The following CES4A variants were observed in gnomAD, a reference collection of about 807,000 sequenced individuals.
CES4A encodes carboxylesterase 4A, also known as carboxylesterase 6.
Under a neutral mutation model 65.4 loss-of-function variants are expected in CES4A, and 48 were observed. The observed-to-expected ratio is 0.73, with a 90% CI of 0.58 to 0.93. The LOEUF (loss-of-function observed/expected upper bound fraction) is 0.93, where lower values mean the gene tolerates loss of function less well. Among genes scored for constraint, CES4A ranks in the 40% least tolerant of loss-of-function variants. The pLI, the probability that CES4A is intolerant of heterozygous loss-of-function variation, is 0.00. For missense variants in CES4A, 685 were observed against 728.5 expected (o/e 0.94, Z 0.69); for synonymous variants, 247 against 281.8 (o/e 0.88, Z 1.24).
At chr16:67,006,919 C>A in intron 13 of CES4A, 102 bp downstream of exon 13, 2 of 1,147,492 alleles carry the variant, frequency 1.7e-6, no homozygotes, top group Non-Finnish European at 2.5e-6. Context: ...CCTACAGGAA[C>A]TGCCCAGTCG....
intron 1 of CES4A, among the ~76,000 whole-genome samples, chr16:66,990,444 C>G (rs1267960967): frequency 2.0e-5 from 3 of 152,166 alleles, no homozygotes; most frequent in African/African-American, 7.2e-5. Flanking sequence ...TGTCTATAAT[C>G]CCAGCATTTT....
At chr16:66,995,570 G>A (rs1597061934) in intron 1 of CES4A, 58 bp from the exon 2 acceptor site, 1 of 1,468,504 alleles carries the variant, frequency 6.8e-7, no homozygotes, top group Non-Finnish European at 9.5e-7. Context: ...GCTGAGCCAG[G>A]GTCCCATTTG....
chr16:66,995,975 G>T (rs891287651), intron 2 of CES4A, 146 bp downstream of exon 2: 2 of 742,890 alleles, frequency 2.7e-6, no homozygotes, highest in South Asian at 1.5e-5. Context: ...TTTCAGACCC[G>T]TATCATGAGC....
chr16:67,005,075 A>T, intron 10 of CES4A, 165 bp from the exon 11 acceptor site: 1 of 809,656 alleles, frequency 1.2e-6, no homozygotes, highest in Non-Finnish European at 2.0e-6. Context: ...CAGCAAAATC[A>T]GGGGTTACAA....
chr16:66,994,132 A>G (rs1023882991), intron 1 of CES4A, among the ~76,000 whole-genome samples: 1 of 151,962 alleles, frequency 6.6e-6, no homozygotes, highest in Non-Finnish European at 1.5e-5. Flanking sequence ...CTATATTAAT[A>G]TCAGACAAAC....
chr16:66,999,854 G>A (rs1402118022), intron 2 of CES4A, among the ~76,000 whole-genome samples: 1 of 152,188 alleles, frequency 6.6e-6, no homozygotes, highest in Non-Finnish European at 1.5e-5. Flanking sequence ...GTGACCAGGA[G>A]AGGAGACACC....
intron 5 of CES4A, among the ~76,000 whole-genome samples, chr16:67,002,542 T>A (rs1965440286): frequency 6.6e-6 from 1 of 151,772 alleles, no homozygotes; most frequent in South Asian, 2.1e-4. Flanking sequence ...AGCTGGGGTG[T>A]GGTCATTAGC....
chr16:66,997,451 A>G (rs959334432), intron 2 of CES4A, among the ~76,000 whole-genome samples: 1 of 152,104 alleles, frequency 6.6e-6, no homozygotes, highest in African/African-American at 2.4e-5. Context: ...CAAAGATAGT[A>G]GTTTCTGCCT....
chr16:67,008,957 T>C lies in CES4A; in HGVS notation c.1518-17T>C. On this transcript the variant is annotated splice_polypyrimidine_tract_variant and intron_variant, in intron 13 of 13. Coordinates refer to ENST00000648724, the Ensembl canonical transcript of CES4A. ...AAAAGGAACACAGGTAATCCTCTCT[T>C]TTTTATTTCTGGGCAGAAACCCCAA... is the stretch of plus-strand genomic sequence containing the variant. The C allele has an allele frequency of 6.2e-7, 1 of 1,607,356 alleles. No homozygotes were observed. The highest frequency in any genetic ancestry group is 8.5e-7 in the Non-Finnish European group (1 of 1,177,730).
At chr16:67,007,025 A>T (rs1597101466) in intron 13 of CES4A, 1 of 557,118 alleles carries the variant, frequency 1.8e-6, no homozygotes, top group South Asian at 2.3e-5. Context: ...CATGACCCAC[A>T]CTCTTCATTC....
At position 67,000,654 on chromosome 16, in the gene CES4A, T is replaced by C. The variant is rs1475063600; in HGVS notation, c.277T>C (p.Trp93Arg). ...TGCCCGCAGGTGCCTGCAGGAGTCC[T>C]GGGGCCAGCTGGCCTCGATGTACGT... is the stretch of plus-strand genomic sequence containing the variant. The change falls in exon 3 of 14, where the codon TGG (tryptophan) becomes CGG (arginine). Residue 93 changes from tryptophan (W) to arginine (R), a missense_variant. Coordinates refer to ENST00000648724, the Ensembl canonical transcript of CES4A. This position sits in a 1 kb window ranked among gnomAD's most constrained non-coding sequence, Gnocchi z 4.2. The C allele has an allele frequency of 1.3e-6, 2 of 1,548,814 alleles. No individual in the cohort carries two copies. Among genetic ancestry groups the C allele is most frequent in the Non-Finnish European group, 1.7e-6 (2 of 1,146,368 alleles).
In CES4A at chr16:66,995,820, A is replaced by G. The variant is rs1391671004; in HGVS notation, c.251A>G (p.Tyr84Cys). 5 of 1,613,374 alleles carry G rather than the reference A, an allele frequency of 3.1e-6. No homozygotes were observed. The South Asian group carries it at 5.5e-5, about 18-fold the overall frequency. Residue 84 changes from tyrosine to cysteine, a missense_variant, in exon 2 of 14, where the codon TAC (tyrosine) becomes TGC (cysteine). Coordinates refer to ENST00000648724, the Ensembl canonical transcript of CES4A. Reference sequence around the variant, plus strand: ...AAAGGAATCAGAGATGCTACCACCTACCCGCCTGGGTAAGAGTCAGAGGCC... The same window carrying G: ...AAAGGAATCAGAGATGCTACCACCTGCCCGCCTGGGTAAGAGTCAGAGGCC...
exon 14 of CES4A, chr16:67,009,310 T>G: frequency 1.6e-6 from 1 of 633,786 alleles, no homozygotes; most frequent in South Asian, 2.1e-5. Context: ...GCCTGTTGTG[T>G]GGGACCTGCA....
Position 67,000,194 on chromosome 16 carries a change from A to C in CES4A, c.261-444A>C. On this transcript the variant is annotated intron_variant, in intron 2 of 13. Transcript: ENST00000648724. This position sits in a 1 kb window ranked among gnomAD's most constrained non-coding sequence, Gnocchi z 4.2. Reference sequence around the variant, plus strand: ...CAGAGTGTGGCCGAGGAGTAGGAGGAGTGTGAAGAGGCTGGGGTACTGTCC... The same window carrying C: ...CAGAGTGTGGCCGAGGAGTAGGAGGCGTGTGAAGAGGCTGGGGTACTGTCC... 6.6e-6 allele frequency among the ~76,000 whole-genome samples: 1 copy of C among 152,042 alleles called. No individual in the cohort carries two copies. The highest frequency in any genetic ancestry group is 2.4e-5 in the African/African-American group (1 of 41,452).
intron 10 of CES4A, 41 bp downstream of exon 10, chr16:67,004,914 G>T (rs1597094288): frequency 6.8e-7 from 1 of 1,468,166 alleles, no homozygotes; most frequent in East Asian, 2.5e-5. Flanking sequence ...TTCGGACAGG[G>T]TTGACCCCCC....
At chr16:66,991,313 C>CCA (rs780044473) in intron 1 of CES4A, among the ~76,000 whole-genome samples, 34 of 152,206 alleles carry the variant, frequency 2.2e-4, no homozygotes, top group Non-Finnish European at 3.8e-4. Context: ...GCGTGAGCCA[C>CCA]CACACCAGCT....
rs540838517 is a variant in CES4A, at chr16:67,004,658, C to T, written c.1081-135C>T. On this transcript the variant is annotated intron_variant, in intron 9 of 13. Transcript: ENST00000648724. ...CAGGGGGACAAGAGAGAGTCATGGG[C>T]CCTTCCTGGGCTGTGTGCTGTGTCT... 13 of 692,790 alleles carry T rather than the reference C, an allele frequency of 1.9e-5. No individual in the cohort carries two copies. The East Asian group carries it at 2.2e-4, about 12-fold the overall frequency. The allele number at this position is 692,790 out of a possible 1,614,324, so 42.9% of individuals were successfully genotyped here. A position where few individuals can be genotyped will look rare whatever the true frequency, so the allele number is the denominator to read the frequency against.
At chr16:67,006,704 C>T (rs768863454) in intron 12 of CES4A, 41 bp from the exon 13 acceptor site, 7 of 1,595,846 alleles carry the variant, frequency 4.4e-6, no homozygotes, top group African/African-American at 1.3e-5. Context: ...GGTCAGTGTC[C>T]CCTGCTCTGT....
chr16:66,999,273 T>C (rs150344797), intron 2 of CES4A, among the ~76,000 whole-genome samples: 1 of 152,194 alleles, frequency 6.6e-6, no homozygotes, highest in East Asian at 1.9e-4. Context: ...AATCAAATGG[T>C]CCAGGCCCAG....
Sources: gnomAD v4.1 joint callset for allele counts (sites outside exome capture counted in the v4.1 genomes callset) on GRCh38, gnomAD v4.1.1 for gene constraint, Gnocchi (gnomAD v3.1) non-coding constraint, MANE v1.5 for transcripts, NCBI Gene and HGNC (gene_info 2026-07-23, HGNC 2026-07-21) for gene names.